MYO1D: variants seen among roughly 807,000 people sequenced by gnomAD.
MYO1D encodes unconventional myosin-Id.
MYO1D carries 83 observed loss-of-function variants against 122.0 expected under a neutral mutation model. That is an observed-to-expected ratio of 0.68 (90% CI 0.57 to 0.82). The LOEUF (loss-of-function observed/expected upper bound fraction) is 0.82, where lower values mean the gene tolerates loss of function less well. Among genes scored for constraint, MYO1D ranks in the 40% least tolerant of loss-of-function variants. The pLI, the probability that MYO1D is intolerant of heterozygous loss-of-function variation, is 0.00. For missense variants in MYO1D, 1,157 were observed against 1,269.5 expected (o/e 0.91, Z 1.35); for synonymous variants, 464 against 446.9 (o/e 1.04, Z -0.48).
intron 10 of MYO1D, among the ~76,000 whole-genome samples, chr17:32,755,908 A>G (rs967429919): frequency 3.3e-5 from 5 of 152,160 alleles, no homozygotes; most frequent in Admixed American, 3.3e-4. Context: ...GGCAAAGATA[A>G]TAAGGTAGAC....
chr17:32,742,954 T>C (rs575573262), intron 13 of MYO1D, among the ~76,000 whole-genome samples: 117 of 152,360 alleles, frequency 7.7e-4, no homozygotes, highest in Middle Eastern at 6.8e-3. Flanking sequence ...CCACTGACCT[T>C]GGCATTAGCA....
chr17:32,498,083 C>T (rs547963056), intron 21 of MYO1D: 2 of 152,438 alleles, frequency 1.3e-5, no homozygotes, highest in African/African-American at 2.4e-5. Flanking sequence ...GCCCCAGCAC[C>T]GCAGGAGATG....
chr17:32,515,706 C>T (rs140640564), intron 21 of MYO1D, among the ~76,000 whole-genome samples: 5 of 152,190 alleles, frequency 3.3e-5, no homozygotes, highest in Admixed American at 3.3e-4. Context: ...ATCCAGGCAA[C>T]TATAATCCAC....
chr17:32,605,189 G>A lies in MYO1D; in HGVS notation c.2762C>T (p.Thr921Met), dbSNP rs776654965. The A allele has an allele frequency of 8.6e-5, 138 of 1,608,042 alleles. No individual in the cohort carries two copies. The highest frequency in any genetic ancestry group is 1.1e-4 in the Non-Finnish European group (128 of 1,175,570). The change falls in exon 21 of 22, where the codon ACG becomes ATG. Residue 921 changes from threonine (T) to methionine (M), a missense_variant. Coordinates refer to ENST00000318217, the MANE Select transcript of MYO1D (RefSeq NM_015194.3). ...NGKDQLVVFH[T>M]KDNKDLIVCL... Reference sequence around the variant, plus strand: ...GACAATGAGGTCTTTGTTGTCTTTCGTATGGAACACTACAAGTTGGTCCTT... The same window carrying A: ...GACAATGAGGTCTTTGTTGTCTTTCATATGGAACACTACAAGTTGGTCCTT...
intron 1 of MYO1D, among the ~76,000 whole-genome samples, chr17:32,830,762 C>CTT (rs2090764377): frequency 6.6e-6 from 1 of 151,998 alleles, no homozygotes; most frequent in African/African-American, 2.4e-5. Flanking sequence ...ACACAAAAAG[C>CTT]GTTTTTAAAA....
intron 1 of MYO1D, among the ~76,000 whole-genome samples, chr17:32,781,759 C>T (rs2090241632): frequency 6.7e-6 from 1 of 148,924 alleles, no homozygotes; most frequent in African/African-American, 2.5e-5. Context: ...AAATACAAAG[C>T]TTGAGTAGGT....
chr17:32,573,170 G>T (rs949818281), intron 21 of MYO1D, among the ~76,000 whole-genome samples: 4 of 152,140 alleles, frequency 2.6e-5, no homozygotes, highest in African/African-American at 9.7e-5. Flanking sequence ...ATCAAAGAAT[G>T]TTTTATTTCT....
intron 1 of MYO1D, among the ~76,000 whole-genome samples, chr17:32,863,775 TAAACA>T (rs1181932957): frequency 6.6e-6 from 1 of 152,102 alleles, no homozygotes; most frequent in Non-Finnish European, 1.5e-5. Flanking sequence ...TAAAGAACAA[TAAACA>T]ACCCAGCTAT....
At chr17:32,533,804 C>G (rs953385787) in intron 21 of MYO1D, among the ~76,000 whole-genome samples, 2 of 152,088 alleles carry the variant, frequency 1.3e-5, no homozygotes, top group African/African-American at 4.8e-5. Context: ...TGCCCGTACC[C>G]TATTTGAAGT....
At chr17:32,650,733 T>C (rs1020129615) in intron 19 of MYO1D, among the ~76,000 whole-genome samples, 6 of 152,194 alleles carry the variant, frequency 3.9e-5, no homozygotes, top group Admixed American at 2.6e-4. Context: ...CTTTATAACT[T>C]CATGCAGGTC....
At chr17:32,577,761 C>T (rs1377487669) in intron 21 of MYO1D, among the ~76,000 whole-genome samples, 6 of 149,308 alleles carry the variant, frequency 4.0e-5, no homozygotes, top group African/African-American at 9.9e-5. Context: ...TCTTTTGAGA[C>T]GGAGTCTTGC....
intron 10 of MYO1D, among the ~76,000 whole-genome samples, chr17:32,756,002 C>T (rs1438720563): frequency 6.6e-6 from 1 of 152,110 alleles, no homozygotes; most frequent in Non-Finnish European, 1.5e-5. Flanking sequence ...ATCTGCCTGC[C>T]ATTAACTGTA....
At chr17:32,798,377 C>G (rs912348754) in intron 1 of MYO1D, among the ~76,000 whole-genome samples, 1 of 152,164 alleles carries the variant, frequency 6.6e-6, no homozygotes, top group Admixed American at 6.5e-5. Flanking sequence ...TATCCTTATA[C>G]TTCCTATATC....
At chr17:32,762,626 C>T (rs935713026) in intron 8 of MYO1D, among the ~76,000 whole-genome samples, 40 of 152,138 alleles carry the variant, frequency 2.6e-4, no homozygotes, top group Non-Finnish European at 1.9e-4. Context: ...GTAATCCCAA[C>T]ACTCTGGGAA....
chr17:32,577,559 C>T (rs932908420), intron 21 of MYO1D, among the ~76,000 whole-genome samples: 1 of 151,998 alleles, frequency 6.6e-6, no homozygotes, highest in Non-Finnish European at 1.5e-5. Context: ...TTGAGTTCTG[C>T]TCTTCTGAAC....
chr17:32,749,917 T>C (rs2089881165), intron 11 of MYO1D, among the ~76,000 whole-genome samples: 2 of 152,124 alleles, frequency 1.3e-5, no homozygotes, highest in African/African-American at 4.8e-5. Flanking sequence ...ACATATAAGG[T>C]ACAACAATCT....
intron 18 of MYO1D, 117 bp from the exon 19 acceptor site, chr17:32,654,064 A>C: frequency 1.3e-6 from 1 of 740,906 alleles, no homozygotes; most frequent in Non-Finnish European, 2.2e-6. Flanking sequence ...TGCACTCTTT[A>C]TCTCCTCACC....
rs8066420 is a variant in MYO1D at position 32,797,033 on chromosome 17, C to T, written c.96-16249G>A. Among the ~76,000 whole-genome samples the T allele has an allele frequency of 5.9e-5, 9 of 151,636 alleles. No individual in the cohort carries two copies. The South Asian group carries it at 1.2e-3, about 21-fold the overall frequency. The stretch of plus-strand genomic sequence containing the variant: ...ATCACCAGGCTAGAGTACAGTGGTG[C>T]GATCTCAGCTCACTTCAACCTCTGC... On this transcript the variant is annotated intron_variant, in intron 1 of 21. Coordinates refer to ENST00000318217, the MANE Select transcript of MYO1D (RefSeq NM_015194.3).
At chr17:32,810,132 G>A (rs1211028294) in intron 1 of MYO1D, among the ~76,000 whole-genome samples, 3 of 152,284 alleles carry the variant, frequency 2.0e-5, no homozygotes, top group Admixed American at 6.5e-5. Context: ...GCAAAGGGGA[G>A]GAAGTAGTGG....
Sources: allele counts gnomAD v4.1 joint callset (sites outside exome capture counted in the v4.1 genomes callset), GRCh38; gene constraint gnomAD v4.1.1; transcripts MANE v1.5; gene names NCBI Gene and HGNC (gene_info 2026-07-23, HGNC 2026-07-21).